Variants in EPHB1 observed in about 807,000 individuals in gnomAD.
EPHB1 encodes the protein EPH receptor B1, also known as ephrin type-B receptor 1.
Under a neutral mutation model 94.4 loss-of-function variants are expected in EPHB1, and 30 were observed. That is an observed-to-expected ratio of 0.32 (90% CI 0.24 to 0.43). The LOEUF is 0.43. EPHB1 is among the 20% of genes least tolerant of loss of function. The pLI is 1.00. For synonymous variants in EPHB1, 522 were observed against 489.1 expected (o/e 1.07, Z -0.89); for missense variants, 1,055 against 1,308.3 (o/e 0.81, Z 2.99).
At chr3:134,982,957 A>G (rs919393527) in intron 3 of EPHB1, among the ~76,000 whole-genome samples, 1 of 152,244 alleles carries the variant, frequency 6.6e-6, no homozygotes. Flanking sequence ...CTGCATGCCC[A>G]GGTCCAATTT....
intron 11 of EPHB1, among the ~76,000 whole-genome samples, chr3:135,194,502 A>G (rs1942544230): frequency 6.6e-6 from 1 of 152,212 alleles, no homozygotes; most frequent in African/African-American, 2.4e-5. Context: ...ACAGCGAAAC[A>G]GTGTATATGA....
intron 5 of EPHB1, among the ~76,000 whole-genome samples, chr3:135,135,510 TA>T (rs1268874544): frequency 6.6e-6 from 1 of 152,162 alleles, no homozygotes; most frequent in Non-Finnish European, 1.5e-5. Context: ...GTAGGCATCA[TA>T]AAAACTCTAA....
chr3:134,926,904 A>G (rs1055365570), intron 2 of EPHB1, among the ~76,000 whole-genome samples: 1 of 152,206 alleles, frequency 6.6e-6, no homozygotes, highest in Non-Finnish European at 1.5e-5. Context: ...GAAGTTAAGG[A>G]GGACAAATTG....
intron 1 of EPHB1, among the ~76,000 whole-genome samples, chr3:134,827,442 G>C (rs1246092516): frequency 1.3e-5 from 2 of 152,310 alleles, no homozygotes; most frequent in African/African-American, 4.8e-5. Flanking sequence ...TGCAGTACTA[G>C]TTTCGGGCAT....
intron 3 of EPHB1, among the ~76,000 whole-genome samples, chr3:134,984,710 C>T (rs1351306902): frequency 6.6e-6 from 1 of 152,182 alleles, no homozygotes; most frequent in East Asian, 1.9e-4. Context: ...GGAACTTGCA[C>T]TGAGCCATCC....
chr3:135,185,677 CT>C (rs1159470431), intron 10 of EPHB1, among the ~76,000 whole-genome samples: 2 of 152,194 alleles, frequency 1.3e-5, no homozygotes, highest in African/African-American at 4.8e-5. Flanking sequence ...TGATCCAGAT[CT>C]GGAGAATGTA....
chr3:135,179,563 G>A lies in EPHB1; in HGVS notation c.1760-297G>A, dbSNP rs138133256. On this transcript the variant is annotated intron_variant, in intron 9 of 15. Transcript: ENST00000398015. Reference sequence around the variant, plus strand: ...GCTTCCTTGCCTTCTGTGAGCACCCGGTGTGGGAACTGGTCCCGATCTGTC... The same window carrying A: ...GCTTCCTTGCCTTCTGTGAGCACCCAGTGTGGGAACTGGTCCCGATCTGTC... Among the ~76,000 whole-genome samples, 602 of 152,284 alleles carry A rather than the reference G, an allele frequency of 4.0e-3. 3 individuals carry two copies. Among genetic ancestry groups the A allele is most frequent in the African/African-American group, 0.013 (555 of 41,544 alleles).
intron 1 of EPHB1, among the ~76,000 whole-genome samples, chr3:134,906,145 T>A (rs1426369242): frequency 1.3e-5 from 2 of 152,174 alleles, no homozygotes; most frequent in African/African-American, 4.8e-5. Context: ...TAATGGCAAA[T>A]GAGGCCTGTG....
intron 12 of EPHB1, among the ~76,000 whole-genome samples, chr3:135,235,597 T>G (rs1943632263): frequency 6.6e-6 from 1 of 152,106 alleles, no homozygotes; most frequent in African/African-American, 2.4e-5. Flanking sequence ...ATTCATGGCT[T>G]TAAAAACAAG....
chr3:135,210,420 G>A (rs1045756985), intron 12 of EPHB1, among the ~76,000 whole-genome samples: 6 of 152,300 alleles, frequency 3.9e-5, no homozygotes, highest in Admixed American at 2.0e-4. Context: ...AGGAGTCATC[G>A]TTGGCATACA....
chr3:134,871,541 A>C (rs1437253817), intron 1 of EPHB1, among the ~76,000 whole-genome samples: 1 of 152,160 alleles, frequency 6.6e-6, no homozygotes, highest in African/African-American at 2.4e-5. Context: ...CATTATAATA[A>C]TAATGACCAT....
At position 135,132,813 on chromosome 3, in the gene EPHB1, T is replaced by TGAC; in HGVS notation, c.1062_1064dup (p.Thr355dup). 1 of 1,614,002 alleles carries TGAC rather than the reference T, an allele frequency of 6.2e-7. No individual in the cohort carries two copies. Among genetic ancestry groups the TGAC allele is most frequent in the Non-Finnish European group, 8.5e-7 (1 of 1,179,892 alleles). ...AGGGAGACAGGTGGGCGGGATGATG[T>TGAC]GACCTACAACATCATCTGCAAAAAG... is the stretch of plus-strand genomic sequence containing the variant. On this transcript the variant is annotated inframe_insertion, in exon 5 of 16. Coordinates refer to ENST00000398015, the MANE Select transcript of EPHB1 (RefSeq NM_004441.5).
chr3:134,915,043 A>C (rs946350452), intron 1 of EPHB1, among the ~76,000 whole-genome samples: 2 of 152,116 alleles, frequency 1.3e-5, no homozygotes, highest in African/African-American at 4.8e-5. Context: ...GTATCTTTGG[A>C]GGAAGCACCT....
At chr3:135,244,290 A>G (rs930413433) in intron 13 of EPHB1, among the ~76,000 whole-genome samples, 1 of 152,222 alleles carries the variant, frequency 6.6e-6, no homozygotes, top group African/African-American at 2.4e-5. Context: ...GCAATGGCCA[A>G]AAGAGTTGTT....
intron 6 of EPHB1, among the ~76,000 whole-genome samples, chr3:135,161,229 A>G (rs923299148): frequency 6.6e-6 from 1 of 152,332 alleles, no homozygotes; most frequent in Non-Finnish European, 1.5e-5. Flanking sequence ...CCAAGTGTGC[A>G]GATGACAGGG....
intron 13 of EPHB1, 127 bp from the exon 14 acceptor site, chr3:135,248,189 T>A: frequency 1.2e-6 from 1 of 841,352 alleles, no homozygotes; most frequent in Non-Finnish European, 1.8e-6. Flanking sequence ...GCGGAAGGTG[T>A]GCAAGCACAG....
chr3:135,200,222 A>C (rs1942719287), intron 11 of EPHB1, among the ~76,000 whole-genome samples: 1 of 152,216 alleles, frequency 6.6e-6, no homozygotes, highest in Non-Finnish European at 1.5e-5. Context: ...GTGTGTGCAA[A>C]GTCAAGACCC....
At chr3:134,847,275 C>T (rs1462794277) in intron 1 of EPHB1, among the ~76,000 whole-genome samples, 1 of 152,182 alleles carries the variant, frequency 6.6e-6, no homozygotes, top group Non-Finnish European at 1.5e-5. Flanking sequence ...TGTAGCCACT[C>T]ACCCTGAGGC....
intron 3 of EPHB1, among the ~76,000 whole-genome samples, chr3:135,018,008 G>A (rs1193780120): frequency 1.3e-5 from 2 of 152,108 alleles, no homozygotes; most frequent in Admixed American, 6.5e-5. Flanking sequence ...TGTGAGGGGG[G>A]GCATGATGAG....
Sources: gnomAD v4.1 joint callset for allele counts (sites outside exome capture counted in the v4.1 genomes callset) on GRCh38, gnomAD v4.1.1 for gene constraint, MANE v1.5 for transcripts, NCBI Gene and HGNC (gene_info 2026-07-23, HGNC 2026-07-21) for gene names.